SIRT6: variants seen among roughly 807,000 people sequenced by gnomAD.
SIRT6 encodes the protein NAD-dependent protein deacylase sirtuin-6.
SIRT6 carries 21 observed loss-of-function variants against 33.6 expected under a neutral mutation model. The ratio of observed to expected loss-of-function variants is 0.62; its 90% CI spans 0.44 to 0.90. SIRT6 has a LOEUF of 0.90. SIRT6 is among the 40% of genes least tolerant of loss of function. The pLI, the probability that SIRT6 is intolerant of heterozygous loss-of-function variation, is 0.00. For synonymous variants in SIRT6, 221 were observed against 223.9 expected (o/e 0.99, Z 0.12); for missense variants, 504 against 510.6 (o/e 0.99, Z 0.12).
chr19:4,174,917 G>A lies in SIRT6; in HGVS notation c.768C>T (p.Gly256=). Residue 256 remains glycine, a synonymous_variant, in exon 8 of 8, where the codon GGC becomes GGT. Coordinates refer to ENST00000337491, the MANE Select transcript of SIRT6 (RefSeq NM_016539.4). This position sits in a 1 kb window ranked among gnomAD's most constrained non-coding sequence, Gnocchi z 4.2. ...GCCGGGTCATGACCTCGTCAACGTA[G>A]CCATGGATGCGGAGGTCAGCATGGC... is the stretch of plus-strand genomic sequence containing the variant. ...HDRHADLRIH[G]YVDEVMTRLM... 1 of 1,606,096 alleles carries A rather than the reference G, an allele frequency of 6.2e-7. No homozygotes were observed. The highest frequency in any genetic ancestry group is 8.5e-7 in the Non-Finnish European group (1 of 1,179,748).
chr19:4,174,374 C>T lies in SIRT6; in HGVS notation c.*243G>A, dbSNP rs1967150388. 3 of 397,440 alleles carry T rather than the reference C, an allele frequency of 7.5e-6. No individual in the cohort carries two copies. Among genetic ancestry groups the T allele is most frequent in the African/African-American group, 6.2e-5 (3 of 48,210 alleles). The allele number at this position is 397,440 out of a possible 1,614,324, so 24.6% of individuals were successfully genotyped here. ...CTCACCTCTGGACAACACAGCAAGTCAGAGGCTGGGGTGTGGCAGGGGCTC... is the reference window on the plus strand; with the variant it reads ...CTCACCTCTGGACAACACAGCAAGTTAGAGGCTGGGGTGTGGCAGGGGCTC... On this transcript the variant is annotated 3_prime_UTR_variant, in exon 8 of 8. Coordinates refer to ENST00000337491, the MANE Select transcript of SIRT6 (RefSeq NM_016539.4). This position sits in a 1 kb window ranked among gnomAD's most constrained non-coding sequence, Gnocchi z 4.2.
chr19:4,175,472 G>T, intron 6 of SIRT6: 1 of 632,550 alleles, frequency 1.6e-6, no homozygotes, highest in Admixed American at 3.1e-5. Context: ...GGAAGCCTTG[G>T]TTTCCTTGTG....
At chr19:4,178,064 T>G (rs1967408939) in intron 3 of SIRT6, among the ~76,000 whole-genome samples, 1 of 149,508 alleles carries the variant, frequency 6.7e-6, no homozygotes, top group South Asian at 2.1e-4. Flanking sequence ...TCTTGCTCTG[T>G]CACCCAAGCT....
chr19:4,178,814 G>A (rs1212021834), intron 3 of SIRT6, among the ~76,000 whole-genome samples: 1 of 152,148 alleles, frequency 6.6e-6, no homozygotes, highest in African/African-American at 2.4e-5. Flanking sequence ...CTCCAGCCTG[G>A]GCAACAAGAA....
intron 1 of SIRT6, 28 bp downstream of exon 1, chr19:4,182,446 G>T (rs199565906): frequency 8.8e-6 from 14 of 1,598,610 alleles, no homozygotes; most frequent in Middle Eastern, 1.7e-4. Context: ...CCTGGGGCGC[G>T]ATGCTCGGGA....
At position 4,174,824 on chromosome 19, in the gene SIRT6, T is replaced by C; in HGVS notation, c.861A>G (p.Pro287=). The change falls in exon 8 of 8, where the codon CCA becomes CCG. Residue 287 remains proline, a synonymous_variant. Transcript: ENST00000337491. The surrounding 1 kb of genome is among the most constrained non-coding windows in gnomAD (Gnocchi z 4.2). ...TGGGGGTGGGCGGGCGGGGCAGGGG[T>C]GGCAGCGCCCTCTCCAGCACACGGG... is the stretch of plus-strand genomic sequence containing the variant. ...DGPRVLERAL[P]PLPRPPTPKL... 1 of 1,553,636 alleles carries C rather than the reference T, an allele frequency of 6.4e-7. No homozygotes were observed. Among genetic ancestry groups the C allele is most frequent in the Non-Finnish European group, 8.6e-7 (1 of 1,156,290 alleles).
In SIRT6 at chr19:4,174,853, C is replaced by T. The variant is rs745356492; in HGVS notation, c.832G>A (p.Gly278Ser). Residue 278 changes from glycine to serine, a missense_variant, in exon 8 of 8, where the codon GGC becomes AGC. By Grantham distance (56) the Gly-to-Ser change is moderately conservative. Transcript: ENST00000337491. This position sits in a 1 kb window ranked among gnomAD's most constrained non-coding sequence, Gnocchi z 4.2. ...AGCGCCCTCTCCAGCACACGGGGGCCGTCCCAGGCGGGGATCTCCAGCCCC... is the reference window on the plus strand; with the variant it reads ...AGCGCCCTCTCCAGCACACGGGGGCTGTCCCAGGCGGGGATCTCCAGCCCC... ...HLGLEIPAWD[G>S]PRVLERALPP... 5.3e-5 allele frequency: 85 copies of T among 1,598,114 alleles called. No individual in the cohort carries two copies. Among genetic ancestry groups the T allele is most frequent in the Non-Finnish European group, 6.2e-5 (73 of 1,178,762 alleles).
At chr19:4,179,529 A>T in intron 2 of SIRT6, 1 of 549,072 alleles carries the variant, frequency 1.8e-6, no homozygotes, top group Non-Finnish European at 3.2e-6. Context: ...CAAGTCAGAG[A>T]CAGAATTGGA....
At chr19:4,175,214 C>G in intron 6 of SIRT6, 63 bp from the exon 7 acceptor site, 7 of 1,535,214 alleles carry the variant, frequency 4.6e-6, no homozygotes, top group Non-Finnish European at 6.1e-6. Flanking sequence ...CGAGCCAGCC[C>G]TGGGGGCCGG....
Position 4,179,212 on chromosome 19 carries a change from C to G in SIRT6, c.269G>C (p.Arg90Pro), listed in dbSNP as rs200117989. The G allele has an allele frequency of 8.1e-6, 13 of 1,611,212 alleles. No homozygotes were observed. Among genetic ancestry groups the G allele is most frequent in the Non-Finnish European group, 1.0e-5 (12 of 1,179,246 alleles). The change falls in exon 3 of 8, where the codon CGG becomes CCG. Residue 90 changes from arginine to proline, a missense_variant. By Grantham distance (103) the Arg-to-Pro change is moderately radical (BLOSUM62 -2). Transcript: ENST00000337491. ...PKFDTTFESA[R>P]PTQTHMALVQ... ...CAGCGCCATGTGGGTCTGCGTGGGC[C>G]GCGCGCTCTCAAAGGTGGTGTCGAA...
chr19:4,178,604 C>A (rs1967441890), intron 3 of SIRT6, among the ~76,000 whole-genome samples: 1 of 152,070 alleles, frequency 6.6e-6, no homozygotes, highest in Non-Finnish European at 1.5e-5. Flanking sequence ...AACCCCAGCA[C>A]TTTGGGAGGC....
At chr19:4,178,706 G>A (rs1040776263) in intron 3 of SIRT6, among the ~76,000 whole-genome samples, 2 of 152,074 alleles carry the variant, frequency 1.3e-5, no homozygotes, top group Non-Finnish European at 2.9e-5. Flanking sequence ...AAAATTAGCT[G>A]GGTGTGATGG....
intron 2 of SIRT6, 196 bp downstream of exon 2, chr19:4,180,586 G>T: frequency 1.8e-6 from 1 of 559,398 alleles, no homozygotes; most frequent in Non-Finnish European, 2.9e-6. Flanking sequence ...TCACCATATT[G>T]GCCAGGCTGG....
Position 4,175,888 on chromosome 19 carries a change from C to T in SIRT6, c.487G>A (p.Gly163Ser). The T allele has an allele frequency of 6.4e-7, 1 of 1,568,714 alleles. No individual in the cohort carries two copies. Among genetic ancestry groups the T allele is most frequent in the Non-Finnish European group, 8.6e-7 (1 of 1,157,150 alleles). The change falls in exon 5 of 8, where the codon GGC (glycine) becomes AGC (serine). Residue 163 changes from glycine to serine, a missense_variant. Gly to Ser is a moderately conservative substitution (Grantham distance 56). Transcript: ENST00000337491. ...GCCTTAGCCACGGTGCAGAGCCGGC[C>T]CGTGGCCTTCAGGCCCATGGTGCCC... ...VVGTMGLKAT[G>S]RLCTVAKARG...
chr19:4,174,600 C>A lies in SIRT6; in HGVS notation c.*17G>T. 7.0e-7 allele frequency: 1 copy of A among 1,423,024 alleles called. No individual in the cohort carries two copies. The highest frequency in any genetic ancestry group is 1.6e-5 in the South Asian group (1 of 63,040). The allele number at this position is 1,423,024 out of a possible 1,614,324, so 88.1% of individuals were successfully genotyped here. A position where few individuals can be genotyped will look rare whatever the true frequency, so the allele number is the denominator to read the frequency against. ...CACAGTTTCTACAAAAAGCCCCACC[C>A]TCCCCAAGCACCCTGGTCAGCTGGG... On this transcript the variant is annotated 3_prime_UTR_variant, in exon 8 of 8. Transcript: ENST00000337491. This position sits in a 1 kb window ranked among gnomAD's most constrained non-coding sequence, Gnocchi z 4.2.
intron 6 of SIRT6, 40 bp from the exon 7 acceptor site, chr19:4,175,191 C>T (rs1305776497): frequency 2.5e-6 from 4 of 1,571,706 alleles, no homozygotes; most frequent in South Asian, 1.1e-5. Flanking sequence ...ATGCCCTGCT[C>T]CTGCCAACAT....
intron 2 of SIRT6, 197 bp downstream of exon 2, chr19:4,180,585 T>C (rs2145178263): frequency 1.8e-6 from 1 of 549,040 alleles, no homozygotes; most frequent in East Asian, 3.4e-5. Flanking sequence ...TTCACCATAT[T>C]GGCCAGGCTG....
At chr19:4,176,072 A>G in intron 4 of SIRT6, 135 bp from the exon 5 acceptor site, 1 of 675,002 alleles carries the variant, frequency 1.5e-6, no homozygotes, top group East Asian at 2.8e-5. Flanking sequence ...AGCGACACGG[A>G]ACGAGTAGCC....
rs1270332211 is a variant in SIRT6, at chr19:4,174,838, C to T, written c.847G>A (p.Glu283Lys). ...CGGGGCAGGGGTGGCAGCGCCCTCT[C>T]CAGCACACGGGGGCCGTCCCAGGCG... is the stretch of plus-strand genomic sequence containing the variant. Reference protein sequence around the residue: ...IPAWDGPRVLERALPPLPRPP... With the variant: ...IPAWDGPRVLKRALPPLPRPP... Residue 283 changes from glutamate to lysine, a missense_variant, in exon 8 of 8, where the codon GAG becomes AAG. By Grantham distance (56) the Glu-to-Lys change is moderately conservative. Transcript: ENST00000337491. This position sits in a 1 kb window ranked among gnomAD's most constrained non-coding sequence, Gnocchi z 4.2. 1.9e-6 allele frequency: 3 copies of T among 1,589,120 alleles called. No homozygotes were observed. The highest frequency in any genetic ancestry group is 1.7e-5 in the Admixed American group (1 of 59,400).
Sources: allele counts gnomAD v4.1 joint callset (sites outside exome capture counted in the v4.1 genomes callset), GRCh38; gene constraint gnomAD v4.1.1; non-coding constraint Gnocchi (gnomAD v3.1); transcripts MANE v1.5; gene names NCBI Gene and HGNC (gene_info 2026-07-23, HGNC 2026-07-21).